PLPPR2: variants seen among roughly 807,000 people sequenced by gnomAD.
PLPPR2 encodes the protein phospholipid phosphatase related 2.
Under a neutral mutation model 40.3 loss-of-function variants are expected in PLPPR2, and 11 were observed. The observed-to-expected ratio is 0.27, with a 90% CI of 0.17 to 0.45. The LOEUF (loss-of-function observed/expected upper bound fraction) is 0.45, where lower values mean the gene tolerates loss of function less well. Among genes scored for constraint, PLPPR2 ranks in the 20% least tolerant of loss-of-function variants. The pLI is 1.00. For missense variants in PLPPR2, 497 were observed against 640.7 expected (o/e 0.78, Z 2.42); for synonymous variants, 260 against 290.8 (o/e 0.89, Z 1.08).
Position 11,359,926 on chromosome 19 carries a change from C to T in PLPPR2, c.361C>T (p.Pro121Ser). 9.9e-6 allele frequency: 16 copies of T among 1,611,822 alleles called. No individual in the cohort carries two copies. The highest frequency in any genetic ancestry group is 1.4e-5 in the Non-Finnish European group (16 of 1,178,824). ...GTCTGGGGCCTGCTGCCGCTTCAGC[C>T]CCCCAGTGCGGAGGCTGGTCCGCTT... ...IVSGACCRFS[P>S]PVRRLVRFLG... is the part of the protein sequence containing the mutation. The change falls in exon 5 of 10, where the codon CCC becomes TCC. Residue 121 changes from proline (P) to serine (S), a missense_variant. Coordinates refer to ENST00000688289, the MANE Select transcript of PLPPR2 (RefSeq NM_001393892.1). The surrounding 1 kb of genome is among the most constrained non-coding windows in gnomAD (Gnocchi z 5.6).
intron 3 of PLPPR2, among the ~76,000 whole-genome samples, chr19:11,358,667 G>T (rs9797583): frequency 8.8e-5 from 12 of 135,798 alleles, no homozygotes; most frequent in South Asian, 4.8e-4. Flanking sequence ...CTCTCTCTCT[G>T]TTTTTTTTTT....
In PLPPR2 at chr19:11,363,882, G is replaced by A; in HGVS notation, c.963+47G>A. The A allele has an allele frequency of 6.3e-7, 1 of 1,588,616 alleles. No individual in the cohort carries two copies. The highest frequency in any genetic ancestry group is 8.6e-7 in the Non-Finnish European group (1 of 1,166,070). Reference sequence around the variant, plus strand: ...TCCCGGCTGGAGAGGGTGGTGGGTGGAGGGGGCCAAGGAGACAGGAAGGAA... The same window carrying A: ...TCCCGGCTGGAGAGGGTGGTGGGTGAAGGGGGCCAAGGAGACAGGAAGGAA... On this transcript the variant is annotated intron_variant, in intron 8 of 9. Coordinates refer to ENST00000688289, the MANE Select transcript of PLPPR2 (RefSeq NM_001393892.1). This position sits in a 1 kb window ranked among gnomAD's most constrained non-coding sequence, Gnocchi z 4.8.
At chr19:11,356,000 T>C (rs1599397351) in intron 1 of PLPPR2, among the ~76,000 whole-genome samples, 1 of 151,944 alleles carries the variant, frequency 6.6e-6, no homozygotes, top group South Asian at 2.1e-4. Context: ...GTGTGGCTGC[T>C]GTCTCTGTGT....
In PLPPR2 at chr19:11,364,639, C is replaced by G; in HGVS notation, c.1308C>G (p.His436Gln). 6.5e-7 allele frequency: 1 copy of G among 1,537,248 alleles called. No individual in the cohort carries two copies. Among genetic ancestry groups the G allele is most frequent in the Non-Finnish European group, 8.7e-7 (1 of 1,146,900 alleles). ...TLSGLYPSPF[H>Q]RDNFSPYLFA... ...GTGGACTCTATCCCTCCCCCTTCCACCGGGACAACTTCAGCCCTTACCTGT... is the reference window on the plus strand; with the variant it reads ...GTGGACTCTATCCCTCCCCCTTCCAGCGGGACAACTTCAGCCCTTACCTGT... The change falls in exon 10 of 10, where the codon CAC becomes CAG. Residue 436 changes from histidine (H) to glutamine (Q), a missense_variant. His to Gln is a conservative substitution (Grantham distance 24). Transcript: ENST00000688289. The surrounding 1 kb of genome is among the most constrained non-coding windows in gnomAD (Gnocchi z 5.8).
rs757253273 is a variant in PLPPR2 at position 11,357,718 on chromosome 19, C to G, written c.45C>G (p.Ile15Met). 1 of 1,606,358 alleles carries G rather than the reference C, an allele frequency of 6.2e-7. No individual in the cohort carries two copies. Among genetic ancestry groups the G allele is most frequent in the Non-Finnish European group, 8.5e-7 (1 of 1,176,036 alleles). The change falls in exon 3 of 10, where the codon ATC becomes ATG. Residue 15 changes from isoleucine to methionine, a missense_variant. Coordinates refer to ENST00000688289, the MANE Select transcript of PLPPR2 (RefSeq NM_001393892.1). Reference protein sequence around the residue: ...RPHLKRSFSIIPCFVFVESVL... With the variant: ...RPHLKRSFSIMPCFVFVESVL... ...ATCTGAAGAGGAGTTTCTCCATCATCCCCTGCTTTGTCTTCGTGGAGGTGA... is the reference window on the plus strand; with the variant it reads ...ATCTGAAGAGGAGTTTCTCCATCATGCCCTGCTTTGTCTTCGTGGAGGTGA...
In PLPPR2 at chr19:11,362,311, A is replaced by ACGT; in HGVS notation, c.664-202_664-201insCGT. The ACGT allele has an allele frequency of 1.7e-6, 1 of 580,156 alleles. No homozygotes were observed. Among genetic ancestry groups the ACGT allele is most frequent in the Admixed American group, 3.0e-5 (1 of 33,396 alleles). 35.9% of individuals were successfully genotyped at this position (580,156 alleles called of 1,614,324 possible). ...GGTGCCCACGAGACTCCAAGACCTCAATCCCTGACCCCCCCCCCTTTGCCT... is the reference window on the plus strand; with the variant it reads ...GGTGCCCACGAGACTCCAAGACCTCACGTATCCCTGACCCCCCCCCCTTTGCCT... On this transcript the variant is annotated intron_variant, in intron 6 of 9. Coordinates refer to ENST00000688289, the MANE Select transcript of PLPPR2 (RefSeq NM_001393892.1). This position sits in a 1 kb window ranked among gnomAD's most constrained non-coding sequence, Gnocchi z 5.3.
chr19:11,355,826 G>A (rs1967851678), intron 1 of PLPPR2, among the ~76,000 whole-genome samples: 1 of 152,134 alleles, frequency 6.6e-6, no homozygotes, highest in Non-Finnish European at 1.5e-5. Flanking sequence ...GTGTGGTTGT[G>A]TAACTGTCAT....
chr19:11,358,800 C>T (rs1382132191), intron 3 of PLPPR2, among the ~76,000 whole-genome samples: 6 of 149,542 alleles, frequency 4.0e-5, no homozygotes, highest in South Asian at 2.1e-4. Context: ...CTGCAAACTC[C>T]GCCTCCCGGG....
At position 11,362,584 on chromosome 19, in the gene PLPPR2, G is replaced by T; in HGVS notation, c.735G>T (p.Leu245=). 1 of 1,613,272 alleles carries T rather than the reference G, an allele frequency of 6.2e-7. No individual in the cohort carries two copies. The change falls in exon 7 of 10, where the codon CTG becomes CTT. Residue 245 remains leucine, a synonymous_variant. Coordinates refer to ENST00000688289, the MANE Select transcript of PLPPR2 (RefSeq NM_001393892.1). The surrounding 1 kb of genome is among the most constrained non-coding windows in gnomAD (Gnocchi z 5.3). ...LVKPSLCLAL[L]CPAFLVGVVR... ...AACCCTCGCTCTGCCTGGCCTTGCT[G>T]TGCCCGGCCTTCCTGGTGGGCGTGG... is the stretch of plus-strand genomic sequence containing the variant.
chr19:11,361,473 G>C lies in PLPPR2; in HGVS notation c.648G>C (p.Ala216=), dbSNP rs1968043506. The change falls in exon 6 of 10, where the codon GCG becomes GCC. Residue 216 remains alanine (A), a synonymous_variant. Transcript: ENST00000688289. This position sits in a 1 kb window ranked among gnomAD's most constrained non-coding sequence, Gnocchi z 6.3. ...PCKDAALCAY[A]VTYTAMYVTL... ...AGGATGCGGCCCTCTGCGCCTACGCGGTCACCTACACAGCGGTGAGCTTCG... is the reference window on the plus strand; with the variant it reads ...AGGATGCGGCCCTCTGCGCCTACGCCGTCACCTACACAGCGGTGAGCTTCG... 7 of 1,600,662 alleles carry C rather than the reference G, an allele frequency of 4.4e-6. No homozygotes were observed. Among genetic ancestry groups the C allele is most frequent in the Non-Finnish European group, 5.1e-6 (6 of 1,178,322 alleles).
rs1228483965 is a variant in PLPPR2, at chr19:11,363,092, G to A, written c.840+403G>A. Among the ~76,000 whole-genome samples the A allele has an allele frequency of 1.3e-5, 2 of 152,058 alleles. No homozygotes were observed. The highest frequency in any genetic ancestry group is 2.4e-5 in the African/African-American group (1 of 41,382). Reference sequence around the variant, plus strand: ...GCGGATCACTTGAGGCCAAGAGTTCGAGACCAGCCTGGTCAACATGGCCAA... The same window carrying A: ...GCGGATCACTTGAGGCCAAGAGTTCAAGACCAGCCTGGTCAACATGGCCAA... On this transcript the variant is annotated intron_variant, in intron 7 of 9. Coordinates refer to ENST00000688289, the MANE Select transcript of PLPPR2 (RefSeq NM_001393892.1). The surrounding 1 kb of genome is among the most constrained non-coding windows in gnomAD (Gnocchi z 4.8).
Position 11,362,528 on chromosome 19 carries a change from G to A in PLPPR2, c.679G>A (p.Val227Met), listed in dbSNP as rs754138795. Residue 227 changes from valine to methionine, a missense_variant, in exon 7 of 10, where the codon GTG becomes ATG. Transcript: ENST00000688289. This position sits in a 1 kb window ranked among gnomAD's most constrained non-coding sequence, Gnocchi z 5.3. Reference protein sequence around the residue: ...VTYTAMYVTLVFRVKGSRLVK... With the variant: ...VTYTAMYVTLMFRVKGSRLVK... Reference sequence around the variant, plus strand: ...CTCCCCGCAGATGTACGTGACTCTCGTGTTCCGCGTGAAGGGCTCCCGCCT... The same window carrying A: ...CTCCCCGCAGATGTACGTGACTCTCATGTTCCGCGTGAAGGGCTCCCGCCT... 8.7e-6 allele frequency: 14 copies of A among 1,610,398 alleles called. No individual in the cohort carries two copies. The highest frequency in any genetic ancestry group is 1.7e-5 in the Admixed American group (1 of 60,008).
In PLPPR2 at chr19:11,363,667, T is replaced by C. The variant is rs911063491; in HGVS notation, c.841-46T>C. ...GGGGATGGTATTTACATGGCTCCTA[T>C]GTGACTTGCCCCAGGCCTCAACACT... On this transcript the variant is annotated intron_variant, in intron 7 of 9. Transcript: ENST00000688289. This position sits in a 1 kb window ranked among gnomAD's most constrained non-coding sequence, Gnocchi z 4.8. 2.9e-5 allele frequency: 45 copies of C among 1,565,864 alleles called. No homozygotes were observed. Among genetic ancestry groups the C allele is most frequent in the Non-Finnish European group, 3.7e-5 (43 of 1,151,508 alleles).
chr19:11,355,840 G>A (rs1012210726), intron 1 of PLPPR2, among the ~76,000 whole-genome samples: 4 of 152,148 alleles, frequency 2.6e-5, no homozygotes, highest in Non-Finnish European at 4.4e-5. Flanking sequence ...CTGTCATCGT[G>A]TGGCTGCATG....
In PLPPR2 at chr19:11,364,484, C is replaced by T. The variant is rs1968140111; in HGVS notation, c.1153C>T (p.Leu385=). 2.0e-6 allele frequency: 3 copies of T among 1,516,248 alleles called. No homozygotes were observed. The highest frequency in any genetic ancestry group is 1.4e-5 in the African/African-American group (1 of 72,644). The allele number at this position is 1,516,248 out of a possible 1,614,324, so 93.9% of individuals were successfully genotyped here. The stretch of plus-strand genomic sequence containing the variant: ...GACGCCCTTGCCCCTGCCCCTACCC[C>T]TGCCAGCGCCCACCCCCAGCCAGGG... ...EPTPLPLPLP[L]PAPTPSQGPS... is the part of the protein sequence containing the mutation. Residue 385 remains leucine (L), a synonymous_variant, in exon 10 of 10, where the codon CTG becomes TTG. Transcript: ENST00000688289. This position sits in a 1 kb window ranked among gnomAD's most constrained non-coding sequence, Gnocchi z 5.8.
At chr19:11,357,782 C>T (rs1416789126) in intron 3 of PLPPR2, 43 bp downstream of exon 3, 2 of 1,516,714 alleles carry the variant, frequency 1.3e-6, no homozygotes, top group African/African-American at 2.8e-5. Flanking sequence ...GTGCCTATCT[C>T]TGTCTCTGTC....
chr19:11,357,197 C>T (rs1020827530), intron 2 of PLPPR2, among the ~76,000 whole-genome samples: 1 of 152,040 alleles, frequency 6.6e-6, no homozygotes, highest in African/African-American at 2.4e-5. Context: ...GAGAGAGGGG[C>T]CCCTGCAGAG....
Position 11,362,718 on chromosome 19 carries a change from T to C in PLPPR2, c.840+29T>C. 6.3e-7 allele frequency: 1 copy of C among 1,596,638 alleles called. No individual in the cohort carries two copies. Among genetic ancestry groups the C allele is most frequent in the Non-Finnish European group, 8.5e-7 (1 of 1,169,898 alleles). On this transcript the variant is annotated intron_variant, in intron 7 of 9. Transcript: ENST00000688289. This position sits in a 1 kb window ranked among gnomAD's most constrained non-coding sequence, Gnocchi z 5.3. ...AGTTGCCTCCTCAACCTTCCCAGCATGGAAGACCCTCACCAGCTCTCTGAC... is the reference window on the plus strand; with the variant it reads ...AGTTGCCTCCTCAACCTTCCCAGCACGGAAGACCCTCACCAGCTCTCTGAC...
At chr19:11,360,365 G>A (rs1477695891) in intron 5 of PLPPR2, among the ~76,000 whole-genome samples, 1 of 151,878 alleles carries the variant, frequency 6.6e-6, no homozygotes, top group African/African-American at 2.4e-5. Context: ...CTACTTGGGA[G>A]GCTGAGGCAG....
Sources: allele counts gnomAD v4.1 joint callset (sites outside exome capture counted in the v4.1 genomes callset), GRCh38; gene constraint gnomAD v4.1.1; non-coding constraint Gnocchi (gnomAD v3.1); transcripts MANE v1.5; gene names NCBI Gene and HGNC (gene_info 2026-07-23, HGNC 2026-07-21).